The following DCLK1 variants were observed in gnomAD, a reference collection of about 807,000 sequenced individuals.
The protein encoded by DCLK1 is serine/threonine-protein kinase DCLK1.
A neutral mutation model predicts 86.2 loss-of-function variants in DCLK1; 16 were observed. The observed-to-expected ratio is 0.19, with a 90% CI of 0.13 to 0.28. The LOEUF is 0.28. Among genes scored for constraint, DCLK1 ranks in the 10% least tolerant of loss-of-function variants. The pLI, the probability that DCLK1 is intolerant of heterozygous loss-of-function variation, is 1.00. For synonymous variants in DCLK1, 369 were observed against 370.5 expected (o/e 1.00, Z 0.05); for missense variants, 590 against 940.2 (o/e 0.63, Z 4.87).
chr13:36,044,338 A>G (rs114406713), intron 3 of DCLK1, among the ~76,000 whole-genome samples: 1 of 152,306 alleles, frequency 6.6e-6, no homozygotes, highest in African/African-American at 2.4e-5. Context: ...AAATGGACTA[A>G]CACACTCATG....
upstream of DCLK1, among the ~76,000 whole-genome samples, chr13:36,131,626 G>A (rs983757866): frequency 6.6e-6 from 1 of 152,162 alleles, no homozygotes; most frequent in African/African-American, 2.4e-5. Context: ...AGTAGTCTTT[G>A]GGAGATGGGG....
intron 3 of DCLK1, among the ~76,000 whole-genome samples, chr13:36,000,947 C>CT (rs1880684904): frequency 7.2e-6 from 1 of 138,008 alleles, no homozygotes; most frequent in African/African-American, 2.7e-5. Context: ...GTATGCATAA[C>CT]TGATTTTTTT....
chr13:35,909,342 G>C (rs1874866426), intron 4 of DCLK1, among the ~76,000 whole-genome samples: 1 of 152,190 alleles, frequency 6.6e-6, no homozygotes, highest in Admixed American at 6.5e-5. Flanking sequence ...TAAAATGGAA[G>C]ACGCTGTACA....
chr13:35,899,364 TGTGTGAGAGA>T (rs775296632), intron 4 of DCLK1, among the ~76,000 whole-genome samples: 7,814 of 99,804 alleles, frequency 0.078, 219 homozygotes, highest in South Asian at 0.18. Flanking sequence ...TGTGTGTGTG[TGTGTGAGAGA>T]GAGAGAGAGA....
intron 5 of DCLK1, among the ~76,000 whole-genome samples, chr13:35,857,265 C>T (rs969931554): frequency 6.6e-6 from 1 of 152,006 alleles, no homozygotes; most frequent in African/African-American, 2.4e-5. Flanking sequence ...TCAAACTGAC[C>T]CTTTGCTCAT....
intron 4 of DCLK1, among the ~76,000 whole-genome samples, chr13:35,916,539 T>C (rs551560206): frequency 5.3e-5 from 8 of 152,182 alleles, no homozygotes; most frequent in Admixed American, 1.3e-4. Context: ...TAAACTTCCA[T>C]CTTCTGATCC....
At chr13:35,784,761 C>T (rs912390367) in intron 16 of DCLK1, among the ~76,000 whole-genome samples, 1 of 152,124 alleles carries the variant, frequency 6.6e-6, no homozygotes. Flanking sequence ...AGCGTTCTCA[C>T]TCTGCAGAGC....
chr13:35,975,696 A>T (rs1879296406), intron 3 of DCLK1, among the ~76,000 whole-genome samples: 1 of 152,110 alleles, frequency 6.6e-6, no homozygotes, highest in Non-Finnish European at 1.5e-5. Flanking sequence ...CATCATACAG[A>T]TCTGCTCAGG....
At chr13:36,062,291 C>G (rs1486710191) in intron 3 of DCLK1, among the ~76,000 whole-genome samples, 1 of 152,136 alleles carries the variant, frequency 6.6e-6, no homozygotes, top group Non-Finnish European at 1.5e-5. Context: ...CCTAAATCAT[C>G]CCCCTTTGTC....
At chr13:35,870,415 C>A (rs1872184059) in intron 5 of DCLK1, among the ~76,000 whole-genome samples, 1 of 152,164 alleles carries the variant, frequency 6.6e-6, no homozygotes, top group South Asian at 2.1e-4. Flanking sequence ...CCCCCTAGCC[C>A]ATGCTGTTGA....
intron 3 of DCLK1, among the ~76,000 whole-genome samples, chr13:36,053,400 CT>C (rs1172162789): frequency 3.9e-5 from 6 of 152,184 alleles, no homozygotes; most frequent in Admixed American, 2.6e-4. Flanking sequence ...TCACTTTCTA[CT>C]TAGTAAATCT....
At chr13:35,977,988 T>C (rs1879432957) in intron 3 of DCLK1, among the ~76,000 whole-genome samples, 1 of 152,082 alleles carries the variant, frequency 6.6e-6, no homozygotes, top group African/African-American at 2.4e-5. Flanking sequence ...GTCAGCTTTC[T>C]TTACAGACTG....
chr13:35,977,118 T>C (rs1387736416), intron 3 of DCLK1, among the ~76,000 whole-genome samples: 1 of 46,580 alleles, frequency 2.1e-5, no homozygotes. Flanking sequence ...TTTTCGTGTA[T>C]GTGTGTGTGT....
chr13:35,816,930 CAT>C (rs1490484036), intron 11 of DCLK1, among the ~76,000 whole-genome samples: 8 of 152,184 alleles, frequency 5.3e-5, no homozygotes, highest in Admixed American at 1.3e-4. Context: ...ACAAGGCACA[CAT>C]GTTATTGAAG....
At chr13:35,909,834 A>G (rs957077063) in intron 4 of DCLK1, among the ~76,000 whole-genome samples, 1 of 151,982 alleles carries the variant, frequency 6.6e-6, no homozygotes, top group Non-Finnish European at 1.5e-5. Flanking sequence ...CCTAGACTTT[A>G]TTACTCCTTA....
intron 3 of DCLK1, among the ~76,000 whole-genome samples, chr13:35,990,003 A>T (rs1880150316): frequency 6.6e-6 from 1 of 152,200 alleles, no homozygotes; most frequent in Non-Finnish European, 1.5e-5. Flanking sequence ...CTGCTGGGGT[A>T]ATCAGTCTTA....
At chr13:35,929,854 AT>A (rs142138377) in intron 4 of DCLK1, among the ~76,000 whole-genome samples, 62 of 88,072 alleles carry the variant, frequency 7.0e-4, no homozygotes, top group Middle Eastern at 6.8e-3. Context: ...CCACACAATC[AT>A]TTTTTTTCTT....
At chr13:36,030,596 C>T (rs1221841326) in intron 3 of DCLK1, among the ~76,000 whole-genome samples, 2 of 151,774 alleles carry the variant, frequency 1.3e-5, no homozygotes, top group Non-Finnish European at 2.9e-5. Flanking sequence ...CGTGAGCCAC[C>T]ATGCCTGACC....
intron 11 of DCLK1, among the ~76,000 whole-genome samples, chr13:35,811,920 T>A (rs1221234509): frequency 6.6e-6 from 1 of 152,170 alleles, no homozygotes; most frequent in Non-Finnish European, 1.5e-5. Flanking sequence ...ATACTTTATT[T>A]TCAGTGCCTC....
Sources: allele counts gnomAD v4.1 joint callset (sites outside exome capture counted in the v4.1 genomes callset), GRCh38; gene constraint gnomAD v4.1.1; transcripts MANE v1.5; gene names NCBI Gene and HGNC (gene_info 2026-07-23, HGNC 2026-07-21).